The following NPHP4 variants were observed in gnomAD, a reference collection of about 807,000 sequenced individuals.
NPHP4 encodes nephrocystin-4.
NPHP4 carries 151 observed loss-of-function variants against 155.8 expected under a neutral mutation model. That is an observed-to-expected ratio of 0.97 (90% confidence interval 0.85 to 1.11). NPHP4 has a LOEUF of 1.11. NPHP4 is among the 50% of genes least tolerant of loss of function. The pLI, the probability that NPHP4 is intolerant of heterozygous loss-of-function variation, is 0.00. For synonymous variants in NPHP4, 845 were observed against 816.8 expected, an observed-to-expected ratio of 1.03 and a Z score of -0.59; for missense variants, 1,956 against 1,925.7, an observed-to-expected ratio of 1.02 and a Z score of -0.29.
chr1:5,911,890 G>T (rs72857430), intron 11 of NPHP4, among the ~76,000 whole-genome samples: 2 of 152,194 alleles, frequency 1.3e-5, no homozygotes, highest in Admixed American at 6.5e-5. Context: ...GGGAGCACCC[G>T]CTGTACTCCA....
rs1392906430 is a variant in NPHP4 at position 5,944,195 on chromosome 1, C to T, written c.1119+2909G>A. Among the ~76,000 whole-genome samples, 3 of 152,196 alleles carry T rather than the reference C, an allele frequency of 2.0e-5. No homozygotes were observed. The highest frequency in any genetic ancestry group is 2.1e-4 in the South Asian group (1 of 4,832). ...GCCGGGGAAGCTCCGTGGGGCCCAT[C>T]GCACCAGCCAGCCTGTTTTCAGCTG... On this transcript the variant is annotated intron_variant, in intron 9 of 29. Transcript: ENST00000378156. This position sits in a 1 kb window ranked among gnomAD's most constrained non-coding sequence, Gnocchi z 4.3.
At position 5,875,028 on chromosome 1, in the gene NPHP4, C is replaced by G. The variant is rs1270844580; in HGVS notation, c.2890G>C (p.Ala964Pro). The change falls in exon 21 of 30, where the codon GCC becomes CCC. Residue 964 changes from alanine (A) to proline (P), a missense_variant. Coordinates refer to ENST00000378156, the MANE Select transcript of NPHP4 (RefSeq NM_015102.5). The part of the protein sequence containing the change: ...VIAAYRERTK[A>P]ESIASLLSLA... ...CTCAGCAGGCTGGCGATGCTCTCGG[C>G]CTTCGTGCGTTCCCGGTAGGCGGCG... is the stretch of plus-strand genomic sequence containing the variant. 6.2e-7 allele frequency: 1 copy of G among 1,610,250 alleles called. No individual in the cohort carries two copies. The highest frequency in any genetic ancestry group is 1.3e-5 in the African/African-American group (1 of 74,926).
intron 1 of NPHP4, among the ~76,000 whole-genome samples, chr1:5,988,996 C>G (rs1365677868): frequency 6.6e-6 from 1 of 152,184 alleles, no homozygotes; most frequent in South Asian, 2.1e-4. Context: ...CTATTTTTGT[C>G]GCTCAACTTC....
chr1:5,973,772 G>A (rs1267614683), intron 3 of NPHP4, among the ~76,000 whole-genome samples: 3 of 152,138 alleles, frequency 2.0e-5, no homozygotes, highest in Admixed American at 6.5e-5. Flanking sequence ...CTCATTTCAG[G>A]TTCCAAGACT....
At chr1:5,876,702 G>A (rs1340240900) in intron 20 of NPHP4, among the ~76,000 whole-genome samples, 1 of 152,164 alleles carries the variant, frequency 6.6e-6, no homozygotes, top group African/African-American at 2.4e-5. Context: ...TAGATTTTCA[G>A]CCAAAAAGGG....
At chr1:5,931,294 C>G (rs995916717) in intron 10 of NPHP4, among the ~76,000 whole-genome samples, 2 of 151,720 alleles carry the variant, frequency 1.3e-5, no homozygotes, top group Non-Finnish European at 2.9e-5. Context: ...AGGTTCAGTT[C>G]CAAACCACTA....
In NPHP4 at chr1:5,863,345, C is replaced by T; in HGVS notation, c.4201G>A (p.Glu1401Lys). Reference protein sequence around the residue: ...LQFAPSQRVGEEEILIYINDH... With the variant: ...LQFAPSQRVGKEEILIYINDH... Reference sequence around the variant, plus strand: ...TTGATGTAGATCAGGATCTCCTCCTCACCCACTCTCTGACTAGGCGCAAAC... The same window carrying T: ...TTGATGTAGATCAGGATCTCCTCCTTACCCACTCTCTGACTAGGCGCAAAC... The change falls in exon 30 of 30, where the codon GAG becomes AAG. Residue 1401 changes from glutamate to lysine, a missense_variant. Coordinates refer to ENST00000378156, the MANE Select transcript of NPHP4 (RefSeq NM_015102.5). The T allele has an allele frequency of 6.2e-7, 1 of 1,613,932 alleles. No individual in the cohort carries two copies. The highest frequency in any genetic ancestry group is 8.5e-7 in the Non-Finnish European group (1 of 1,179,786).
In NPHP4 at chr1:5,927,715, T is replaced by G. The variant is rs772430250; in HGVS notation, c.1375A>C (p.Thr459Pro). ...LGSEEHLDAP[T>P]EPVSGPKVER... ...ACTTTGGGGCCACTGACAGGCTCCG[T>G]GGGTGCATCCAGGTGTTCTTCTGAG... Residue 459 changes from threonine to proline, a missense_variant, in exon 11 of 30, where the codon ACG becomes CCG. Thr to Pro is a conservative substitution (Grantham distance 38). Transcript: ENST00000378156. 2.5e-6 allele frequency: 4 copies of G among 1,613,594 alleles called. No individual in the cohort carries two copies. In the Middle Eastern group the frequency reaches 6.6e-4, roughly 266 times the overall value.
rs118044217 is a variant in NPHP4, at chr1:5,892,880, C to T, written c.2144-1852G>A. ...CCTCCCCAAGCCCACCTCCTGCACC[C>T]CCTTCACAAACACCACGCCCCAGCC... On this transcript the variant is annotated intron_variant, in intron 16 of 29. Transcript: ENST00000378156. The surrounding 1 kb of genome is among the most constrained non-coding windows in gnomAD (Gnocchi z 4.5). 1.5e-3 allele frequency among the ~76,000 whole-genome samples: 225 copies of T among 152,312 alleles called. 4 individuals are homozygous for T. In the East Asian group the frequency reaches 0.032, roughly 22 times the overall value.
At chr1:5,919,094 C>T (rs1261662266) in intron 11 of NPHP4, among the ~76,000 whole-genome samples, 1 of 152,186 alleles carries the variant, frequency 6.6e-6, no homozygotes, top group East Asian at 1.9e-4. Flanking sequence ...TAACGTATCG[C>T]CTATATATAC....
chr1:5,880,768 G>A lies in NPHP4; in HGVS notation c.2486-529C>T, dbSNP rs1440487183. The A allele has an allele frequency of 6.2e-5, 10 of 162,402 alleles. No homozygotes were observed. In the South Asian group the frequency reaches 8.4e-4, roughly 14 times the overall value. 10.1% of individuals were successfully genotyped at this position (162,402 alleles called of 1,614,324 possible). ...CTCGGGACAAGCGTGTCTCACGGCC[G>A]GTGGGTGTGGCACCCTACAAACTTG... On this transcript the variant is annotated intron_variant, in intron 18 of 29. Coordinates refer to ENST00000378156, the MANE Select transcript of NPHP4 (RefSeq NM_015102.5).
At chr1:5,922,790 GGTGGC>G (rs1645808879) in intron 11 of NPHP4, among the ~76,000 whole-genome samples, 3 of 147,546 alleles carry the variant, frequency 2.0e-5, no homozygotes, top group African/African-American at 7.5e-5. Context: ...AGCCGGGCAC[GGTGGC>G]ACTGCCTGCA....
At chr1:5,976,267 C>G (rs979222549) in intron 3 of NPHP4, among the ~76,000 whole-genome samples, 2 of 152,056 alleles carry the variant, frequency 1.3e-5, no homozygotes, top group Admixed American at 6.6e-5. Context: ...AAAATGGGTA[C>G]ACAGGATACT....
In NPHP4 at chr1:5,910,516, A is replaced by G. The variant is rs576390568; in HGVS notation, c.1442-1303T>C. Among the ~76,000 whole-genome samples the G allele has an allele frequency of 5.3e-5, 8 of 152,084 alleles. No individual in the cohort carries two copies. Among genetic ancestry groups the G allele is most frequent in the South Asian group, 4.2e-4 (2 of 4,810 alleles). On this transcript the variant is annotated intron_variant, in intron 11 of 29. Transcript: ENST00000378156. The surrounding 1 kb of genome is among the most constrained non-coding windows in gnomAD (Gnocchi z 5.4). ...TGAAGGTTGGGCAAACGAATCTCCT[A>G]TATGTCCTGGTATCCTGAATTCCTA...
intron 16 of NPHP4, among the ~76,000 whole-genome samples, chr1:5,897,881 T>C (rs2101024862): frequency 6.6e-6 from 1 of 152,360 alleles, no homozygotes; most frequent in South Asian, 2.1e-4. Context: ...ACCATGCATG[T>C]CAACAACTTA....
At position 5,877,158 on chromosome 1, in the gene NPHP4, G is replaced by T. The variant is rs767779934; in HGVS notation, c.2752C>A (p.Arg918=). The T allele has an allele frequency of 6.2e-7, 1 of 1,604,668 alleles. No individual in the cohort carries two copies. The highest frequency in any genetic ancestry group is 1.7e-5 in the Admixed American group (1 of 59,560). The change falls in exon 20 of 30, where the codon CGG becomes AGG. Residue 918 remains arginine, a synonymous_variant. Transcript: ENST00000378156. ...TCCTGCAGGCGCACAGACCTCATCC[G>T]CTCCAGCTTACGCCTGCGGGTGGCA... The part of the protein sequence containing the change: ...SDATRRRKLE[R]MRSVRLQEAG...
At chr1:5,866,083 T>A in intron 26 of NPHP4, 1 of 474,208 alleles carries the variant, frequency 2.1e-6, no homozygotes, top group Non-Finnish European at 3.9e-6. Context: ...ATGAGGGGCT[T>A]CTGGGTGGCC....
At position 5,889,229 on chromosome 1, in the gene NPHP4, G is replaced by T. The variant is rs972824531; in HGVS notation, c.2304+1639C>A. On this transcript the variant is annotated intron_variant, in intron 17 of 29. Coordinates refer to ENST00000378156, the MANE Select transcript of NPHP4 (RefSeq NM_015102.5). This position sits in a 1 kb window ranked among gnomAD's most constrained non-coding sequence, Gnocchi z 4.2. ...AAAGCCACTGTAGTGACCCGCAACA[G>T]CAAGAGCTCAAACAAGATGAAAGCT... 8.5e-5 allele frequency among the ~76,000 whole-genome samples: 13 copies of T among 152,300 alleles called. No individual in the cohort carries two copies. Among genetic ancestry groups the T allele is most frequent in the South Asian group, 2.1e-4 (1 of 4,830 alleles).
chr1:5,954,736 T>A (rs1224367073), intron 6 of NPHP4, among the ~76,000 whole-genome samples: 1 of 152,198 alleles, frequency 6.6e-6, no homozygotes, highest in Non-Finnish European at 1.5e-5. Flanking sequence ...CCTGAAACTA[T>A]GAAACTACTA....
Sources: allele counts gnomAD v4.1 joint callset (sites outside exome capture counted in the v4.1 genomes callset), GRCh38; gene constraint gnomAD v4.1.1; non-coding constraint Gnocchi (gnomAD v3.1); transcripts MANE v1.5; gene names NCBI Gene and HGNC (gene_info 2026-07-23, HGNC 2026-07-21).